The following SUPT3H variants were observed in gnomAD, a reference collection of about 807,000 sequenced individuals.
SUPT3H encodes transcription initiation protein SPT3 homolog.
A neutral mutation model predicts 44.3 loss-of-function variants in SUPT3H; 44 were observed. The observed-to-expected ratio is 0.99, with a 90% confidence interval of 0.78 to 1.28. The LOEUF (loss-of-function observed/expected upper bound fraction) is 1.28. Among genes scored for constraint, SUPT3H ranks in the 50% most tolerant of loss-of-function variants. The probability of loss-of-function intolerance (pLI) is 0.00; values close to 1 mark genes in which losing one functional copy is unlikely to be tolerated. For synonymous variants in SUPT3H, 124 were observed against 125.6 expected (o/e 0.99, Z 0.09); for missense variants, 380 against 387.1 (o/e 0.98, Z 0.15).
rs1777623016 is a variant in SUPT3H at position 44,971,896 on chromosome 6, C to T, written c.505-10068G>A. On this transcript the variant is annotated intron_variant, in intron 6 of 10. Coordinates refer to ENST00000371459, the MANE Select transcript of SUPT3H (RefSeq NM_003599.4). ...CATGCCATTCTCCTGCCTCAGCATCCCGAGTAGCTGGGACAACAGGCGCCT... is the reference window on the plus strand; with the variant it reads ...CATGCCATTCTCCTGCCTCAGCATCTCGAGTAGCTGGGACAACAGGCGCCT... 2.6e-5 allele frequency among the ~76,000 whole-genome samples: 4 copies of T among 152,148 alleles called. No individual in the cohort carries two copies. The South Asian group carries it at 6.2e-4, about 24-fold the overall frequency.
At chr6:44,952,765 A>C (rs1436504975) in intron 9 of SUPT3H, among the ~76,000 whole-genome samples, 1 of 152,216 alleles carries the variant, frequency 6.6e-6, no homozygotes, top group Non-Finnish European at 1.5e-5. Context: ...TAAAATTGGA[A>C]AGAAAACTTT....
intron 10 of SUPT3H, among the ~76,000 whole-genome samples, chr6:44,929,024 A>G (rs1450315463): frequency 6.6e-6 from 1 of 151,880 alleles, no homozygotes; most frequent in East Asian, 1.9e-4. Flanking sequence ...TGGTGTTCAC[A>G]GGTGTGTGGC....
intron 10 of SUPT3H, among the ~76,000 whole-genome samples, chr6:44,885,168 G>A (rs1480593167): frequency 6.6e-6 from 1 of 152,186 alleles, no homozygotes; most frequent in East Asian, 1.9e-4. Context: ...TGCCTCTGTA[G>A]GCTCCACCTC....
In SUPT3H at chr6:44,993,862, A is replaced by G. The variant is rs141169411; in HGVS notation, c.504+9791T>C. ...CTCTTCCAGGAACTAACCTTGACGT[A>G]TTACATTGTTTCATGTTTTTCAATG... is the stretch of plus-strand genomic sequence containing the variant. On this transcript the variant is annotated intron_variant, in intron 6 of 10. Transcript: ENST00000371459. 3.2e-4 allele frequency among the ~76,000 whole-genome samples: 48 copies of G among 152,252 alleles called. No individual in the cohort carries two copies. In the East Asian group the frequency reaches 9.3e-3, roughly 29 times the overall value.
At chr6:45,353,848 A>G (rs1308590594) in intron 2 of SUPT3H, among the ~76,000 whole-genome samples, 1 of 151,982 alleles carries the variant, frequency 6.6e-6, no homozygotes, top group Non-Finnish European at 1.5e-5. Context: ...CGGGGAAAAT[A>G]GGGAAAATGC....
At chr6:45,113,745 G>A (rs1217458406) in intron 2 of SUPT3H, among the ~76,000 whole-genome samples, 3 of 150,172 alleles carry the variant, frequency 2.0e-5, no homozygotes, top group South Asian at 2.1e-4. Context: ...CAGGAGAGTC[G>A]CCTGAGCCTG....
intron 10 of SUPT3H, among the ~76,000 whole-genome samples, chr6:44,870,265 T>A (rs1170950679): frequency 2.0e-5 from 3 of 152,134 alleles, no homozygotes; most frequent in Non-Finnish European, 2.9e-5. Flanking sequence ...GTTAAAATGA[T>A]GATCAAAAAG....
chr6:44,902,950 A>G (rs1268708864), intron 10 of SUPT3H, among the ~76,000 whole-genome samples: 1 of 152,220 alleles, frequency 6.6e-6, no homozygotes, highest in Non-Finnish European at 1.5e-5. Context: ...TCATGAAATG[A>G]AGGCAGAAAT....
rs185749772 is a variant in SUPT3H, at chr6:45,041,991, T to G, written c.187-21359A>C. Among the ~76,000 whole-genome samples, 310 of 152,262 alleles carry G rather than the reference T, an allele frequency of 2.0e-3. 1 individual carries two copies. The highest frequency in any genetic ancestry group is 6.7e-3 in the African/African-American group (277 of 41,564). On this transcript the variant is annotated intron_variant, in intron 3 of 10. Coordinates refer to ENST00000371459, the MANE Select transcript of SUPT3H (RefSeq NM_003599.4). ...AAGTGTGCAGCACGTCTTCCAGAAG[T>G]GTCAACTATATTAGAGACAGTAAAT...
Position 45,259,070 on chromosome 6 carries a change from C to T in SUPT3H, c.101+106131G>A, listed in dbSNP as rs370843393. Among the ~76,000 whole-genome samples the T allele has an allele frequency of 1.6e-4, 25 of 152,082 alleles. No individual in the cohort carries two copies. In the East Asian group the frequency reaches 2.9e-3, roughly 18 times the overall value. On this transcript the variant is annotated intron_variant, in intron 2 of 10. Coordinates refer to ENST00000371459, the MANE Select transcript of SUPT3H (RefSeq NM_003599.4). The stretch of plus-strand genomic sequence containing the variant: ...TTAGTTGATAATAGACAAATTTTTT[C>T]GGTACTTTTTATAATTTTATACTTG...
intron 10 of SUPT3H, among the ~76,000 whole-genome samples, chr6:44,921,733 A>G (rs773544878): frequency 6.6e-6 from 1 of 152,238 alleles, no homozygotes; most frequent in Non-Finnish European, 1.5e-5. Context: ...AATCAGAGCC[A>G]GAAATGTAGT....
chr6:44,908,989 T>C (rs1766564061), intron 10 of SUPT3H, among the ~76,000 whole-genome samples: 1 of 152,184 alleles, frequency 6.6e-6, no homozygotes, highest in African/African-American at 2.4e-5. Context: ...TTTATGATTT[T>C]CATGTGTCCT....
intron 3 of SUPT3H, among the ~76,000 whole-genome samples, chr6:45,028,666 CT>C (rs1354349294): frequency 6.6e-6 from 1 of 151,672 alleles, no homozygotes; most frequent in Non-Finnish European, 1.5e-5. Context: ...TATATATTAT[CT>C]CATTTAACCT....
intron 2 of SUPT3H, among the ~76,000 whole-genome samples, chr6:45,359,971 T>C (rs1017253663): frequency 2.6e-5 from 4 of 152,244 alleles, no homozygotes; most frequent in African/African-American, 7.2e-5. Flanking sequence ...TCCTTGTTAC[T>C]AATAACCGAG....
At chr6:45,077,438 G>C (rs749413479) in intron 3 of SUPT3H, among the ~76,000 whole-genome samples, 4 of 151,718 alleles carry the variant, frequency 2.6e-5, no homozygotes, top group Non-Finnish European at 5.9e-5. Context: ...ACCAGCCTGG[G>C]CAACATAGTG....
At chr6:44,850,951 G>C (rs1772783069) in intron 10 of SUPT3H, among the ~76,000 whole-genome samples, 1 of 152,190 alleles carries the variant, frequency 6.6e-6, no homozygotes. Flanking sequence ...AGATTTGCTA[G>C]TAGGAACCCA....
intron 2 of SUPT3H, among the ~76,000 whole-genome samples, chr6:45,153,904 C>A (rs1405644152): frequency 6.6e-6 from 1 of 151,886 alleles, no homozygotes; most frequent in Non-Finnish European, 1.5e-5. Flanking sequence ...CCTGTCTCTA[C>A]TAAAAATGCA....
At chr6:45,104,278 T>C (rs1423848612) in intron 3 of SUPT3H, among the ~76,000 whole-genome samples, 1 of 152,094 alleles carries the variant, frequency 6.6e-6, no homozygotes, top group East Asian at 1.9e-4. Flanking sequence ...CATACATAGA[T>C]TTAACATGAA....
intron 2 of SUPT3H, among the ~76,000 whole-genome samples, chr6:45,179,727 G>C (rs557388981): frequency 1.3e-5 from 2 of 152,088 alleles, no homozygotes; most frequent in Admixed American, 6.6e-5. Context: ...TTTCAAAATA[G>C]TAAGAGCTAT....
Sources: allele counts gnomAD v4.1 joint callset (sites outside exome capture counted in the v4.1 genomes callset), GRCh38; gene constraint gnomAD v4.1.1; transcripts MANE v1.5; gene names NCBI Gene and HGNC (gene_info 2026-07-23, HGNC 2026-07-21).